COL26A1: variants seen among roughly 807,000 people sequenced by gnomAD.
The protein encoded by COL26A1 is collagen type XXVI alpha 1 chain, also known as collagen alpha-1(XXVI) chain.
In COL26A1, 41 loss-of-function variants were observed where a neutral mutation model predicts 59.3. The ratio of observed to expected loss-of-function variants is 0.69; its 90% CI spans 0.54 to 0.90. The LOEUF is 0.90. COL26A1 is among the 40% of genes least tolerant of loss of function. COL26A1 has a pLI of 0.00. For missense variants in COL26A1, 612 were observed against 602.3 expected, an observed-to-expected ratio of 1.02 and a Z score of -0.17; for synonymous variants, 266 against 256.0, an observed-to-expected ratio of 1.04 and a Z score of -0.37.
intron 1 of COL26A1, among the ~76,000 whole-genome samples, chr7:101,416,768 C>T (rs1242717035): frequency 1.4e-5 from 2 of 143,374 alleles, no homozygotes; most frequent in African/African-American, 2.5e-5. Context: ...GTCACAGGGT[C>T]TTGCTCTGTC....
intron 3 of COL26A1, among the ~76,000 whole-genome samples, chr7:101,532,820 C>A (rs1795397202): frequency 6.6e-6 from 1 of 152,142 alleles, no homozygotes; most frequent in Non-Finnish European, 1.5e-5. Flanking sequence ...TTGTGCTCAC[C>A]AGCTCATGGC....
intron 3 of COL26A1, among the ~76,000 whole-genome samples, chr7:101,497,646 A>T (rs760772840): frequency 4.6e-5 from 7 of 152,028 alleles, no homozygotes; most frequent in Non-Finnish European, 8.8e-5. Flanking sequence ...ATTACACCCC[A>T]GCCTCGGCAA....
At chr7:101,399,017 G>A (rs1364177679) in intron 1 of COL26A1, among the ~76,000 whole-genome samples, 1 of 152,060 alleles carries the variant, frequency 6.6e-6, no homozygotes, top group Non-Finnish European at 1.5e-5. Context: ...CCATCAAGAT[G>A]AGAGACACTA....
chr7:101,365,541 C>A (rs542656994), intron 1 of COL26A1, among the ~76,000 whole-genome samples: 1 of 152,128 alleles, frequency 6.6e-6, no homozygotes, highest in Non-Finnish European at 1.5e-5. Flanking sequence ...ATTCTCCTGC[C>A]TCAGCCTCCC....
chr7:101,439,789 A>T (rs1193678225), intron 2 of COL26A1, among the ~76,000 whole-genome samples: 2 of 151,928 alleles, frequency 1.3e-5, no homozygotes, highest in Admixed American at 1.3e-4. Context: ...TCCAAAATCT[A>T]AGAGTTGTTA....
intron 1 of COL26A1, among the ~76,000 whole-genome samples, chr7:101,386,908 G>A (rs1183760082): frequency 6.6e-6 from 1 of 152,162 alleles, no homozygotes; most frequent in Middle Eastern, 3.2e-3. Flanking sequence ...GCCTAGGTCC[G>A]GGACAGCTGC....
chr7:101,456,329 A>C (rs918849534), intron 3 of COL26A1, among the ~76,000 whole-genome samples: 3 of 151,576 alleles, frequency 2.0e-5, no homozygotes, highest in African/African-American at 7.3e-5. Context: ...CTCCTACCTC[A>C]GCCTCCCAAG....
intron 3 of COL26A1, among the ~76,000 whole-genome samples, chr7:101,460,597 A>G (rs548142619): frequency 1.7e-3 from 261 of 152,162 alleles, no homozygotes; most frequent in Middle Eastern, 0.01. Context: ...CCTGGCCAAC[A>G]TGGTGAAAAA....
chr7:101,540,130 GC>G, intron 5 of COL26A1, 81 bp downstream of exon 5: 1 of 1,408,614 alleles, frequency 7.1e-7, no homozygotes, highest in Non-Finnish European at 9.5e-7. Context: ...CCCTAGAGAG[GC>G]CACACACTAG....
At chr7:101,530,195 C>T (rs924683632) in intron 3 of COL26A1, among the ~76,000 whole-genome samples, 1 of 151,944 alleles carries the variant, frequency 6.6e-6, no homozygotes, top group African/African-American at 2.4e-5. Flanking sequence ...ACAAATGGAA[C>T]CCTGTTCATT....
chr7:101,381,017 A>C (rs951393382), intron 1 of COL26A1, among the ~76,000 whole-genome samples: 3 of 152,170 alleles, frequency 2.0e-5, no homozygotes, highest in African/African-American at 7.2e-5. Context: ...GGAAATGACC[A>C]ACCTCTTTGC....
chr7:101,394,661 G>T (rs1189919806), intron 1 of COL26A1, among the ~76,000 whole-genome samples: 3 of 144,576 alleles, frequency 2.1e-5, no homozygotes, highest in Non-Finnish European at 3.0e-5. Flanking sequence ...GGGCTGAAGC[G>T]ATCCTCCTGC....
intron 3 of COL26A1, among the ~76,000 whole-genome samples, chr7:101,505,175 G>A (rs1011562868): frequency 2.0e-5 from 3 of 152,082 alleles, no homozygotes; most frequent in African/African-American, 7.2e-5. Flanking sequence ...CACGTGTGTA[G>A]ATCCATGTTG....
chr7:101,489,257 T>G (rs1794333520), intron 3 of COL26A1, among the ~76,000 whole-genome samples: 1 of 152,150 alleles, frequency 6.6e-6, no homozygotes, highest in South Asian at 2.1e-4. Flanking sequence ...CCCCTGAGAT[T>G]CCTCAGCCAA....
intron 2 of COL26A1, among the ~76,000 whole-genome samples, chr7:101,437,410 T>TG (rs975345035): frequency 5.4e-5 from 5 of 93,258 alleles, no homozygotes; most frequent in Non-Finnish European, 8.4e-5. Flanking sequence ...GAGTTCCGAA[T>TG]GGGGGCGGAG....
At position 101,489,695 on chromosome 7, in the gene COL26A1, T is replaced by G. The variant is rs1479030491; in HGVS notation, c.385+41908T>G. On this transcript the variant is annotated intron_variant, in intron 3 of 12. Coordinates refer to ENST00000313669, the MANE Select transcript of COL26A1 (RefSeq NM_001278563.3). ...TTCCTTCCTTCCTTTCTTTCTTTCTTTCTGTCTTTCTTTCTTTCATTCTTT... is the reference window on the plus strand; with the variant it reads ...TTCCTTCCTTCCTTTCTTTCTTTCTGTCTGTCTTTCTTTCTTTCATTCTTT... Among the ~76,000 whole-genome samples, 30 of 17,408 alleles carry G rather than the reference T, an allele frequency of 1.7e-3. 3 individuals carry two copies. Among genetic ancestry groups the G allele is most frequent in the Admixed American group, 3.3e-3 (3 of 916 alleles). The allele number at this position is 17,408 out of a possible 152,430, so 11.4% of individuals were successfully genotyped here. A position where few individuals can be genotyped will look rare whatever the true frequency, so the allele number is the denominator to read the frequency against.
intron 3 of COL26A1, among the ~76,000 whole-genome samples, chr7:101,522,983 G>A (rs1344267181): frequency 2.0e-5 from 3 of 151,950 alleles, no homozygotes; most frequent in Non-Finnish European, 2.9e-5. Flanking sequence ...CTTATTTTGT[G>A]CATACACATA....
In COL26A1 at chr7:101,447,663, C is replaced by A. The variant is rs572407920; in HGVS notation, c.282-21C>A. ...TGGGTGGGTGGGAGCTCATGCCCCC[C>A]TGACGCTGTCTGTGTGTTAGTTACA... On this transcript the variant is annotated intron_variant, in intron 2 of 12. Coordinates refer to ENST00000313669, the MANE Select transcript of COL26A1 (RefSeq NM_001278563.3). 3.4e-5 allele frequency: 51 copies of A among 1,512,762 alleles called. 2 individuals carry two copies. In the South Asian group the frequency reaches 6.1e-4, roughly 18 times the overall value. 93.7% of individuals were successfully genotyped at this position (1,512,762 alleles called of 1,614,324 possible).
At chr7:101,454,692 C>T (rs1317076994) in intron 3 of COL26A1, among the ~76,000 whole-genome samples, 2 of 152,180 alleles carry the variant, frequency 1.3e-5, no homozygotes, top group African/African-American at 4.8e-5. Context: ...CGCAAAGAAG[C>T]TGTGATGTTC....
Sources: allele counts gnomAD v4.1 joint callset (sites outside exome capture counted in the v4.1 genomes callset), GRCh38; gene constraint gnomAD v4.1.1; transcripts MANE v1.5; gene names NCBI Gene and HGNC (gene_info 2026-07-23, HGNC 2026-07-21).